Variants in MACF1 observed in about 807,000 individuals in gnomAD.
The protein encoded by MACF1 is microtubule-actin cross-linking factor 1.
A neutral mutation model predicts 854.8 loss-of-function variants in MACF1; 193 were observed. The observed-to-expected ratio is 0.23, with a 90% confidence interval of 0.20 to 0.25. The LOEUF (loss-of-function observed/expected upper bound fraction) is 0.25. Ranked by LOEUF, MACF1 falls within the 10% of genes least tolerant of loss-of-function variation. MACF1 has a pLI of 1.00. For synonymous variants in MACF1, 3,185 were observed against 3,226.7 expected (o/e 0.99, Z 0.44); for missense variants, 7,722 against 8,929.1 (o/e 0.86, Z 5.45).
intron 41 of MACF1, among the ~76,000 whole-genome samples, chr1:39,347,850 C>G (rs570086653): frequency 1.3e-5 from 2 of 152,200 alleles, no homozygotes; most frequent in African/African-American, 4.8e-5. Context: ...CTAAAACAAA[C>G]AAACAAACAA....
intron 2 of MACF1, among the ~76,000 whole-genome samples, chr1:39,135,654 TG>T (rs1299185564): frequency 6.6e-6 from 1 of 152,178 alleles, no homozygotes; most frequent in African/African-American, 2.4e-5. Flanking sequence ...TTTGTCTCTC[TG>T]GGTTTTGCTT....
Position 39,335,218 on chromosome 1 carries a change from C to T in MACF1, c.8630C>T (p.Ser2877Phe). 6.2e-7 allele frequency: 1 copy of T among 1,613,956 alleles called. No individual in the cohort carries two copies. ...IINPHNLKGK[S>F]LGQVSLTHPY... The stretch of plus-strand genomic sequence containing the variant: ...AATCCTCATAATCTTAAAGGTAAAT[C>T]CTTGGGCCAAGTGTCATTGACACAC... Residue 2877 changes from serine to phenylalanine, a missense_variant, in exon 37 of 101, where the codon TCC (serine) becomes TTC (phenylalanine). Ser to Phe is a radical substitution (Grantham distance 155). This residue lies in a region of MACF1 where 854 missense variants were observed against 852.6 expected (regional missense o/e 1.00). Transcript: ENST00000564288.
intron 2 of MACF1, among the ~76,000 whole-genome samples, chr1:39,137,116 T>C (rs1438151637): frequency 6.6e-6 from 1 of 152,196 alleles, no homozygotes; most frequent in Admixed American, 6.5e-5. Context: ...GTTGCCCACG[T>C]TGGAATGCAG....
rs986422040 is a variant in MACF1 at position 39,486,917 on chromosome 1, T to C, written c.*1123T>C. The C allele has an allele frequency of 1.3e-5, 2 of 152,650 alleles. No homozygotes were observed. The highest frequency in any genetic ancestry group is 2.9e-5 in the Non-Finnish European group (2 of 68,052). The allele number at this position is 152,650 out of a possible 1,614,324, so 9.5% of individuals were successfully genotyped here. A position where few individuals can be genotyped will look rare whatever the true frequency, so the allele number is the denominator to read the frequency against. On this transcript the variant is annotated 3_prime_UTR_variant, in exon 101 of 101. Coordinates refer to ENST00000564288, the MANE Select transcript of MACF1 (RefSeq NM_001394062.1). ...AATTGGTTTTAATTGAGGCAGAAAC[T>C]GAAGCTCTACCAATGAACTGTTTAG... is the stretch of plus-strand genomic sequence containing the variant.
intron 26 of MACF1, among the ~76,000 whole-genome samples, chr1:39,315,161 T>A (rs1350789288): frequency 2.0e-5 from 3 of 152,244 alleles, no homozygotes; most frequent in African/African-American, 7.2e-5. Flanking sequence ...TTTCATCTCA[T>A]TAGTTTCTGG....
At chr1:39,237,926 TAA>T (rs1424732917) in intron 2 of MACF1, among the ~76,000 whole-genome samples, 2 of 152,192 alleles carry the variant, frequency 1.3e-5, no homozygotes, top group Admixed American at 6.5e-5. Context: ...AAAAAGTATA[TAA>T]AAAGCCCCAC....
rs1348007799 is a variant in MACF1, at chr1:39,331,678, A to G, written c.5090A>G (p.Lys1697Arg). The change falls in exon 37 of 101, where the codon AAG becomes AGG. Residue 1697 changes from lysine (K) to arginine (R), a missense_variant. Coordinates refer to ENST00000564288, the MANE Select transcript of MACF1 (RefSeq NM_001394062.1). ...TTAGAGTCTTATCTTAGAACATCCA[A>G]GAATTTGATAGACCCTAACACAGCT... Reference protein sequence around the residue: ...SVLESYLRTSKNLIDPNTAEK... With the variant: ...SVLESYLRTSRNLIDPNTAEK... 3 of 1,614,066 alleles carry G rather than the reference A, an allele frequency of 1.9e-6. No homozygotes were observed. The Admixed American group carries it at 5.0e-5, about 27-fold the overall frequency.
intron 22 of MACF1, among the ~76,000 whole-genome samples, chr1:39,300,611 G>A (rs565162569): frequency 6.6e-5 from 10 of 152,186 alleles, no homozygotes; most frequent in African/African-American, 2.2e-4. Context: ...TGTTGACAGA[G>A]ATGGTACTTT....
At chr1:39,217,358 T>C (rs1644589111) in intron 1 of MACF1, among the ~76,000 whole-genome samples, 1 of 151,696 alleles carries the variant, frequency 6.6e-6, no homozygotes, top group African/African-American at 2.4e-5. Flanking sequence ...CACTGCAGCC[T>C]CCACCTCAGG....
chr1:39,434,087 TATA>T (rs1643921532), intron 68 of MACF1, among the ~76,000 whole-genome samples: 1 of 151,952 alleles, frequency 6.6e-6, no homozygotes, highest in Admixed American at 6.6e-5. Flanking sequence ...CTCAAAAACA[TATA>T]TAATAATAAT....
intron 31 of MACF1, among the ~76,000 whole-genome samples, chr1:39,320,916 C>T (rs975374693): frequency 3.3e-5 from 5 of 152,082 alleles, no homozygotes; most frequent in Admixed American, 6.5e-5. Context: ...GCTATTGAGC[C>T]GTGATTGTGT....
intron 36 of MACF1, among the ~76,000 whole-genome samples, chr1:39,329,891 A>G (rs573163476): frequency 1.3e-5 from 2 of 152,166 alleles, no homozygotes; most frequent in South Asian, 4.1e-4. Context: ...ATGTGACTCT[A>G]CTGTACTTGT....
intron 58 of MACF1, among the ~76,000 whole-genome samples, chr1:39,416,021 G>C (rs528431669): frequency 2.6e-5 from 4 of 152,262 alleles, no homozygotes; most frequent in African/African-American, 9.6e-5. Context: ...CCTCACTGCA[G>C]AGCCTTTCAG....
rs1180944006 is a variant in MACF1, at chr1:39,084,201, G to A, written c.-18G>A. ...CCCTGGGCTCCCAGGCCCTCCTGCAGCAGCCCCCGCCTGGGCCATGTCTTC... is the reference window on the plus strand; with the variant it reads ...CCCTGGGCTCCCAGGCCCTCCTGCAACAGCCCCCGCCTGGGCCATGTCTTC... On this transcript the variant is annotated 5_prime_UTR_variant, in exon 2 of 94. Coordinates refer to the MACF1 transcript ENST00000361689. This position sits in a 1 kb window ranked among gnomAD's most constrained non-coding sequence, Gnocchi z 5.2. 1 of 1,609,916 alleles carries A rather than the reference G, an allele frequency of 6.2e-7. No homozygotes were observed. Among genetic ancestry groups the A allele is most frequent in the Admixed American group, 1.7e-5 (1 of 59,994 alleles).
chr1:39,367,180 C>G (rs1462653740), intron 49 of MACF1, among the ~76,000 whole-genome samples: 1 of 151,992 alleles, frequency 6.6e-6, no homozygotes, highest in East Asian at 1.9e-4. Context: ...CTCCTGACCT[C>G]AAGTGATGGG....
Position 39,296,812 on chromosome 1 carries a change from AAGGAAGG to A in MACF1, c.2356-806_2356-800del, listed in dbSNP as rs1160345426. Among the ~76,000 whole-genome samples the A allele has an allele frequency of 1.8e-3, 106 of 60,074 alleles. 1 individual carries two copies. The highest frequency in any genetic ancestry group is 0.016 in the African/African-American group (97 of 6,168). 39.4% of individuals were successfully genotyped at this position (60,074 alleles called of 152,430 possible). ...AGAAAGGAAGGAAGGAAAAGAAAGA[AAGGAAGG>A]AAGGAAGGAAGGAAGGAAGGAAGGA... On this transcript the variant is annotated intron_variant, in intron 20 of 100. Coordinates refer to ENST00000564288, the MANE Select transcript of MACF1 (RefSeq NM_001394062.1).
At position 39,331,172 on chromosome 1, in the gene MACF1, C is replaced by CTTTTTTT. The variant is rs71060310; in HGVS notation, c.4615-9_4615-3dup. 2.0e-5 allele frequency: 26 copies of CTTTTTTT among 1,302,952 alleles called. 1 individual carries two copies. The African/African-American group carries it at 2.5e-4, about 12-fold the overall frequency. 80.7% of individuals were successfully genotyped at this position (1,302,952 alleles called of 1,614,324 possible). ...TCAGTTTTCTTTTTCTTCTCTTTTC[C>CTTTTTTT]TTTTTTTTTTTTTTTTTTTTTTTTT... On this transcript the variant is annotated intron_variant, in intron 36 of 100. Coordinates refer to ENST00000564288, the MANE Select transcript of MACF1 (RefSeq NM_001394062.1).
At chr1:39,455,181 A>G (rs1644411585) in intron 89 of MACF1, 84 bp downstream of exon 89, 3 of 1,342,742 alleles carry the variant, frequency 2.2e-6, no homozygotes, top group Non-Finnish European at 3.1e-6. Flanking sequence ...ATATGTTTTT[A>G]AATGGCTGCT....
intron 2 of MACF1, among the ~76,000 whole-genome samples, chr1:39,085,392 G>A (rs1443860640): frequency 6.6e-6 from 1 of 152,178 alleles, no homozygotes; most frequent in Non-Finnish European, 1.5e-5. Flanking sequence ...ATAGAGCAGT[G>A]CCTGCAGCTA....
Sources: allele counts gnomAD v4.1 joint callset (sites outside exome capture counted in the v4.1 genomes callset), GRCh38; gene constraint gnomAD v4.1.1; regional missense constraint gnomAD v4.1.1; non-coding constraint Gnocchi (gnomAD v3.1); transcripts MANE v1.5; gene names NCBI Gene and HGNC (gene_info 2026-07-23, HGNC 2026-07-21).